WRAP53: variants seen among roughly 807,000 people sequenced by gnomAD.
The protein encoded by WRAP53 is WD repeat containing antisense to TP53.
A neutral mutation model predicts 56.6 loss-of-function variants in WRAP53; 28 were observed. The observed-to-expected ratio is 0.50, with a 90% CI of 0.37 to 0.68. The LOEUF is 0.68. Among genes scored for constraint, WRAP53 ranks in the 30% least tolerant of loss-of-function variants. The probability of loss-of-function intolerance (pLI) is 0.00; values close to 1 mark genes in which losing one functional copy is unlikely to be tolerated. For missense variants in WRAP53, 671 were observed against 715.5 expected (o/e 0.94, Z 0.71); for synonymous variants, 283 against 283.4 (o/e 1.00, Z 0.01).
chr17:7,699,724 G>A (rs2151094779), intron 4 of WRAP53, among the ~76,000 whole-genome samples: 1 of 150,012 alleles, frequency 6.7e-6, no homozygotes, highest in East Asian at 2.0e-4. Flanking sequence ...ATTTTTGTAA[G>A]GAGGTTTTTT....
chr17:7,701,960 A>G lies in WRAP53; in HGVS notation c.955+171A>G. ...AGCAAACAGGCTCAGAGCAGGTAGG[A>G]AACCTTCCCAAGGCCAACCAGCTGG... is the stretch of plus-strand genomic sequence containing the variant. On this transcript the variant is annotated intron_variant, in intron 7 of 10. Coordinates refer to ENST00000396463, the MANE Select transcript of WRAP53 (RefSeq NM_001143992.2). This position sits in a 1 kb window ranked among gnomAD's most constrained non-coding sequence, Gnocchi z 4.2. 1 of 1,146,116 alleles carries G rather than the reference A, an allele frequency of 8.7e-7. No homozygotes were observed. Among genetic ancestry groups the G allele is most frequent in the Non-Finnish European group, 1.3e-6 (1 of 791,552 alleles). 71.0% of individuals were successfully genotyped at this position (1,146,116 alleles called of 1,614,324 possible).
Position 7,702,063 on chromosome 17 carries a change from T to C in WRAP53, c.955+274T>C, listed in dbSNP as rs2074282913. ...GGTCTCTGAAATCTTTCTAGAAAAT[T>C]GTTGATAAAGCTGATTCCGTTTTCC... On this transcript the variant is annotated intron_variant, in intron 7 of 10. Coordinates refer to ENST00000396463, the MANE Select transcript of WRAP53 (RefSeq NM_001143992.2). The surrounding 1 kb of genome is among the most constrained non-coding windows in gnomAD (Gnocchi z 5.0). 1 of 727,874 alleles carries C rather than the reference T, an allele frequency of 1.4e-6. No homozygotes were observed. The highest frequency in any genetic ancestry group is 2.1e-5 in the Admixed American group (1 of 48,770). The allele number at this position is 727,874 out of a possible 1,614,324, so 45.1% of individuals were successfully genotyped here. A position where few individuals can be genotyped will look rare whatever the true frequency, so the allele number is the denominator to read the frequency against.
chr17:7,686,126 C>T (rs1358224621), upstream of WRAP53: 1 of 152,212 alleles, frequency 6.6e-6, no homozygotes, highest in Admixed American at 6.5e-5. Context: ...GAGGGCTGCA[C>T]GGAGGACCAC....
intron 4 of WRAP53, among the ~76,000 whole-genome samples, chr17:7,697,006 T>A (rs998559698): frequency 2.0e-5 from 3 of 152,104 alleles, no homozygotes; most frequent in African/African-American, 7.2e-5. Flanking sequence ...GTGTCCAGAC[T>A]ATTTATCTCT....
At position 7,702,646 on chromosome 17, in the gene WRAP53, A is replaced by G; in HGVS notation, c.1164+94A>G. ...TGTAGGGGAATGGGTGGGGATGGGGAAAAAATCCCAAGCTGAAGGAGTGCC... is the reference window on the plus strand; with the variant it reads ...TGTAGGGGAATGGGTGGGGATGGGGGAAAAATCCCAAGCTGAAGGAGTGCC... On this transcript the variant is annotated intron_variant, in intron 8 of 10. Coordinates refer to ENST00000396463, the MANE Select transcript of WRAP53 (RefSeq NM_001143992.2). This position sits in a 1 kb window ranked among gnomAD's most constrained non-coding sequence, Gnocchi z 5.0. The G allele has an allele frequency of 1.9e-6, 3 of 1,595,922 alleles. No homozygotes were observed. Among genetic ancestry groups the G allele is most frequent in the Non-Finnish European group, 2.6e-6 (3 of 1,173,944 alleles).
chr17:7,692,463 T>C (rs1320208878), intron 4 of WRAP53, among the ~76,000 whole-genome samples: 2 of 150,824 alleles, frequency 1.3e-5, no homozygotes, highest in African/African-American at 4.9e-5. Context: ...CTATTAAAAA[T>C]ACAAAAAATT....
chr17:7,695,251 G>A (rs1056430156), intron 4 of WRAP53, among the ~76,000 whole-genome samples: 2 of 152,126 alleles, frequency 1.3e-5, no homozygotes, highest in African/African-American at 4.8e-5. Context: ...CACTGCACCC[G>A]GCCTTAAATA....
chr17:7,700,179 T>A (rs2074255732), intron 4 of WRAP53, among the ~76,000 whole-genome samples: 1 of 151,896 alleles, frequency 6.6e-6, no homozygotes, highest in Admixed American at 6.6e-5. Context: ...CTCCTGAGTA[T>A]CTGGGATTAC....
chr17:7,700,913 G>C, intron 5 of WRAP53, 84 bp downstream of exon 5: 2 of 1,010,196 alleles, frequency 2.0e-6, no homozygotes, highest in South Asian at 1.3e-5. Flanking sequence ...GCTGCCAGGG[G>C]TCTTTGGAGG....
chr17:7,702,237 G>A lies in WRAP53; in HGVS notation c.956-107G>A, dbSNP rs1482279697. 13 of 1,204,790 alleles carry A rather than the reference G, an allele frequency of 1.1e-5. No homozygotes were observed. In the East Asian group the frequency reaches 2.9e-4, roughly 27 times the overall value. 74.6% of individuals were successfully genotyped at this position (1,204,790 alleles called of 1,614,324 possible). A position where few individuals can be genotyped will look rare whatever the true frequency, so the allele number is the denominator to read the frequency against. Reference sequence around the variant, plus strand: ...TTGTGACAGACAGCATGGGGGGGATGTTGAGTCCAAGCATGTTGGTGCTGG... The same window carrying A: ...TTGTGACAGACAGCATGGGGGGGATATTGAGTCCAAGCATGTTGGTGCTGG... On this transcript the variant is annotated intron_variant, in intron 7 of 10. Transcript: ENST00000396463. This position sits in a 1 kb window ranked among gnomAD's most constrained non-coding sequence, Gnocchi z 5.0.
chr17:7,691,258 A>T (rs890171470), intron 4 of WRAP53, among the ~76,000 whole-genome samples: 2 of 151,952 alleles, frequency 1.3e-5, no homozygotes, highest in African/African-American at 4.8e-5. Flanking sequence ...AAAACAAAAA[A>T]CCCAGAATGC....
Position 7,702,362 on chromosome 17 carries a change from G to A in WRAP53, c.974G>A (p.Ser325Asn). ...RATFAKKQGQ[S>N]GIISCIAFSP... ...TCTCTAGCAAAAAAGCAGGGCCAGA[G>A]CGGCATCATCTCCTGCATAGCCTTC... is the stretch of plus-strand genomic sequence containing the variant. The change falls in exon 8 of 11, where the codon AGC (serine) becomes AAC (asparagine). Residue 325 changes from serine to asparagine, a missense_variant. Physicochemically the swap from Ser to Asn is conservative, Grantham distance 46 (BLOSUM62 1). This residue lies in a region of WRAP53 where 406 missense variants were observed against 418.5 expected (regional missense o/e 0.97). Transcript: ENST00000396463. The surrounding 1 kb of genome is among the most constrained non-coding windows in gnomAD (Gnocchi z 5.0). 6.2e-7 allele frequency: 1 copy of A among 1,614,120 alleles called. No individual in the cohort carries two copies. Among genetic ancestry groups the A allele is most frequent in the Non-Finnish European group, 8.5e-7 (1 of 1,180,024 alleles).
At chr17:7,700,659 T>C (rs1239280674) in intron 4 of WRAP53, 82 bp from the exon 5 acceptor site, 2 of 894,112 alleles carry the variant, frequency 2.2e-6, no homozygotes, top group African/African-American at 1.6e-5. Context: ...ATACACCCCA[T>C]CTGCCACAAC....
At chr17:7,694,536 C>T (rs1400907033) in intron 4 of WRAP53, among the ~76,000 whole-genome samples, 2 of 152,148 alleles carry the variant, frequency 1.3e-5, no homozygotes, top group African/African-American at 4.8e-5. Flanking sequence ...AGCCACTGCT[C>T]CTGGCCAGTC....
chr17:7,700,320 A>G (rs1265950203), intron 4 of WRAP53, among the ~76,000 whole-genome samples: 3 of 151,854 alleles, frequency 2.0e-5, no homozygotes, highest in African/African-American at 4.8e-5. Flanking sequence ...AGGTATTATT[A>G]TTTGTTTCTT....
intron 4 of WRAP53, among the ~76,000 whole-genome samples, chr17:7,690,897 G>A (rs2074098550): frequency 6.6e-6 from 1 of 152,024 alleles, no homozygotes; most frequent in African/African-American, 2.4e-5. Flanking sequence ...GGGCGACAGA[G>A]TGAGACTCCA....
In WRAP53 at chr17:7,702,693, G is replaced by A; in HGVS notation, c.1165-50G>A. 1.2e-6 allele frequency: 2 copies of A among 1,606,398 alleles called. No homozygotes were observed. The highest frequency in any genetic ancestry group is 1.7e-5 in the Admixed American group (1 of 59,988). ...TGCCTGGAGACCCCGAGGGAGGCAG[G>A]GACATCCAGGGCTTTGGGGGTGACT... On this transcript the variant is annotated intron_variant, in intron 8 of 10. Coordinates refer to ENST00000396463, the MANE Select transcript of WRAP53 (RefSeq NM_001143992.2). The surrounding 1 kb of genome is among the most constrained non-coding windows in gnomAD (Gnocchi z 5.0).
At chr17:7,700,603 G>T in intron 4 of WRAP53, 138 bp from the exon 5 acceptor site, 2 of 728,226 alleles carry the variant, frequency 2.7e-6, no homozygotes, top group African/African-American at 1.7e-5. Flanking sequence ...TGACATTAAA[G>T]TCTGAGCTCA....
intron 4 of WRAP53, among the ~76,000 whole-genome samples, chr17:7,699,496 A>ATATATATATATATATATT (rs1567577485): frequency 1.6e-4 from 2 of 12,202 alleles, no homozygotes; most frequent in Non-Finnish European, 2.7e-4. Flanking sequence ...ATATATATAT[A>ATATATATATATATATATT]TATATTTATA....
Sources: allele counts gnomAD v4.1 joint callset (sites outside exome capture counted in the v4.1 genomes callset), GRCh38; gene constraint gnomAD v4.1.1; regional missense constraint gnomAD v4.1.1; non-coding constraint Gnocchi (gnomAD v3.1); transcripts MANE v1.5; gene names NCBI Gene and HGNC (gene_info 2026-07-23, HGNC 2026-07-21).